AGMO: variants seen among roughly 807,000 people sequenced by gnomAD.
AGMO encodes glyceryl-ether monooxygenase.
AGMO carries 75 observed loss-of-function variants against 60.2 expected under a neutral mutation model. That is an observed-to-expected ratio of 1.25 (90% confidence interval 1.03 to 1.51). AGMO has a LOEUF of 1.51. Among genes scored for constraint, AGMO ranks in the 40% most tolerant of loss-of-function variants. The pLI, the probability that AGMO is intolerant of heterozygous loss-of-function variation, is 0.00. For synonymous variants in AGMO, 261 were observed against 177.1 expected (o/e 1.47, Z -3.76); for missense variants, 763 against 525.5 (o/e 1.45, Z -4.42).
intron 10 of AGMO, among the ~76,000 whole-genome samples, chr7:15,379,308 A>T (rs564810671): frequency 6.6e-6 from 1 of 152,254 alleles, no homozygotes; most frequent in African/African-American, 2.4e-5. Context: ...AAACCATTGG[A>T]AAGATCAACA....
the AGMO span, among the ~76,000 whole-genome samples, chr7:15,129,540 A>G: frequency 6.6e-6 from 1 of 152,134 alleles, no homozygotes. Flanking sequence ...AAAAATAATC[A>G]GTGTTAGAAA....
At chr7:15,147,791 G>C in the AGMO span, among the ~76,000 whole-genome samples, 1 of 152,098 alleles carries the variant, frequency 6.6e-6, no homozygotes, top group South Asian at 2.1e-4. Flanking sequence ...GCCATAGTCA[G>C]ACGTACACAG....
chr7:15,464,451 T>TA (rs1475241915), intron 3 of AGMO, among the ~76,000 whole-genome samples: 2 of 152,172 alleles, frequency 1.3e-5, no homozygotes, highest in East Asian at 3.8e-4. Context: ...AAATTCCTCA[T>TA]AAAATCACTT....
rs537914968 is a variant in AGMO, at chr7:15,260,618, A to G, written c.1264-59259T>C. On this transcript the variant is annotated intron_variant, in intron 12 of 12. Transcript: ENST00000342526. ...GCACTAGACAGGTCATCAAGACAGAAAGTCAACAAGGTAACGGTGGACTTA... is the reference window on the plus strand; with the variant it reads ...GCACTAGACAGGTCATCAAGACAGAGAGTCAACAAGGTAACGGTGGACTTA... Among the ~76,000 whole-genome samples, 30 of 152,256 alleles carry G rather than the reference A, an allele frequency of 2.0e-4. No homozygotes were observed. The South Asian group carries it at 6.2e-3, about 32-fold the overall frequency.
At chr7:15,407,232 C>CATACATATATATATAT (rs371941313) in intron 5 of AGMO, among the ~76,000 whole-genome samples, 3 of 132,164 alleles carry the variant, frequency 2.3e-5, no homozygotes. Flanking sequence ...CTTTGGAATA[C>CATACATATATATATAT]ATATATATAT....
At chr7:15,403,806 G>A (rs1784618536) in intron 5 of AGMO, among the ~76,000 whole-genome samples, 1 of 151,932 alleles carries the variant, frequency 6.6e-6, no homozygotes, top group Non-Finnish European at 1.5e-5. Context: ...CACTATTTCT[G>A]CTGTGTTAAT....
intron 5 of AGMO, among the ~76,000 whole-genome samples, chr7:15,405,354 A>C (rs1784659157): frequency 6.6e-6 from 1 of 151,886 alleles, no homozygotes; most frequent in African/African-American, 2.4e-5. Context: ...TATTATCCTC[A>C]AGATGTTTAC....
chr7:15,307,336 A>G (rs1404061284), intron 12 of AGMO, among the ~76,000 whole-genome samples: 2 of 152,076 alleles, frequency 1.3e-5, no homozygotes, highest in Admixed American at 6.6e-5. Context: ...CATGGTAAAA[A>G]GTTAAAATAG....
intron 4 of AGMO, among the ~76,000 whole-genome samples, chr7:15,425,338 T>A (rs533294124): frequency 5.6e-4 from 85 of 152,238 alleles, no homozygotes; most frequent in African/African-American, 1.7e-3. Context: ...AAGATCATCA[T>A]TGATTTACAT....
intron 3 of AGMO, 147 bp from the exon 4 acceptor site, chr7:15,431,255 G>A: frequency 1.7e-6 from 1 of 602,400 alleles, no homozygotes; most frequent in Middle Eastern, 2.6e-4. Context: ...ATTAAAATAT[G>A]CTGCCTGAAA....
At chr7:15,124,890 A>G in the AGMO span, among the ~76,000 whole-genome samples, 1 of 152,238 alleles carries the variant, frequency 6.6e-6, no homozygotes, top group South Asian at 2.1e-4. Context: ...AACAAGATAC[A>G]GTGGAGCTGC....
At chr7:15,451,491 C>A (rs1379598906) in intron 3 of AGMO, among the ~76,000 whole-genome samples, 1 of 151,978 alleles carries the variant, frequency 6.6e-6, no homozygotes, top group Non-Finnish European at 1.5e-5. Context: ...GATGAAGTCA[C>A]CAGCAGATTC....
At chr7:15,251,586 G>A (rs1782940464) in intron 12 of AGMO, among the ~76,000 whole-genome samples, 1 of 152,172 alleles carries the variant, frequency 6.6e-6, no homozygotes, top group African/African-American at 2.4e-5. Context: ...CCATTATAAA[G>A]CCTATTAGTA....
At chr7:15,318,459 G>C (rs1007371211) in intron 12 of AGMO, among the ~76,000 whole-genome samples, 1 of 152,110 alleles carries the variant, frequency 6.6e-6, no homozygotes, top group Non-Finnish European at 1.5e-5. Context: ...TCAGTTTAAA[G>C]ATAAAAATGT....
At chr7:15,380,391 G>T (rs1432925738) in intron 10 of AGMO, among the ~76,000 whole-genome samples, 2 of 151,990 alleles carry the variant, frequency 1.3e-5, no homozygotes, top group Admixed American at 1.3e-4. Context: ...GCAAAATTAG[G>T]AATGAACTCC....
intron 3 of AGMO, among the ~76,000 whole-genome samples, chr7:15,517,143 A>C (rs1410257492): frequency 2.6e-5 from 4 of 152,096 alleles, no homozygotes; most frequent in African/African-American, 9.7e-5. Context: ...TGTATTGTGC[A>C]TCTAATATCA....
intron 12 of AGMO, among the ~76,000 whole-genome samples, chr7:15,250,026 A>C (rs1232405301): frequency 6.6e-6 from 1 of 152,184 alleles, no homozygotes; most frequent in Non-Finnish European, 1.5e-5. Context: ...TAGACAAGTG[A>C]TTACATTCCA....
intron 12 of AGMO, among the ~76,000 whole-genome samples, chr7:15,207,066 C>T (rs73054540): frequency 0.042 from 6,407 of 152,218 alleles, 178 homozygotes; most frequent in South Asian, 0.074. Context: ...GACACTACTA[C>T]AGAAGAGAAG....
intron 2 of AGMO, among the ~76,000 whole-genome samples, chr7:15,554,390 C>T (rs2115304447): frequency 6.6e-6 from 1 of 152,088 alleles, no homozygotes; most frequent in South Asian, 2.1e-4. Context: ...TACTAGATCC[C>T]TTTTATGCCT....
Sources: gnomAD v4.1 joint callset for allele counts (sites outside exome capture counted in the v4.1 genomes callset) on GRCh38, gnomAD v4.1.1 for gene constraint, MANE v1.5 for transcripts, NCBI Gene and HGNC (gene_info 2026-07-23, HGNC 2026-07-21) for gene names.